Variants in FGL1 observed in about 807,000 individuals in gnomAD.
FGL1 encodes the protein fibrinogen-like protein 1.
In FGL1, 59 loss-of-function variants were observed where a neutral mutation model predicts 43.7. The ratio of observed to expected loss-of-function variants is 1.35; its 90% confidence interval spans 1.10 to 1.68. FGL1 has a LOEUF of 1.68. Ranked by LOEUF, FGL1 falls within the 40% of genes most tolerant of loss-of-function variation. The pLI is 0.00. For missense variants in FGL1, 596 were observed against 373.0 expected (o/e 1.60, Z -4.92); for synonymous variants, 192 against 126.5 (o/e 1.52, Z -3.48).
At position 17,887,370 on chromosome 8, in the gene FGL1, C is replaced by G. The variant is rs374770137; in HGVS notation, c.-17-1799G>C. On this transcript the variant is annotated intron_variant, in intron 1 of 7. Coordinates refer to ENST00000427924, the MANE Select transcript of FGL1 (RefSeq NM_004467.4). The stretch of plus-strand genomic sequence containing the variant: ...GAGAGGTATAAAAGGTATAGGCACA[C>G]TATTCTGCTTATTTCTTTCAACGTA... 2.6e-5 allele frequency among the ~76,000 whole-genome samples: 4 copies of G among 152,308 alleles called. 1 individual carries two copies. Among genetic ancestry groups the G allele is most frequent in the African/African-American group, 9.6e-5 (4 of 41,580 alleles).
At chr8:17,881,440 C>A (rs1437414099) in intron 3 of FGL1, among the ~76,000 whole-genome samples, 1 of 151,646 alleles carries the variant, frequency 6.6e-6, no homozygotes, top group East Asian at 1.9e-4. Context: ...TGGCTGTGTC[C>A]ATCAGTATTT....
At chr8:17,881,911 T>A in intron 3 of FGL1, 88 bp downstream of exon 3, 1 of 1,076,856 alleles carries the variant, frequency 9.3e-7, no homozygotes, top group East Asian at 2.5e-5. Context: ...GTTACTGAAA[T>A]AGGAAAAGCC....
intron 7 of FGL1, chr8:17,868,252 C>G (rs1563446614): frequency 9.9e-6 from 2 of 202,000 alleles, no homozygotes; most frequent in Non-Finnish European, 2.0e-5. Flanking sequence ...TACATGCTCT[C>G]TCTTTCTTTG....
chr8:17,874,219 T>C (rs1212858204), intron 4 of FGL1, 103 bp from the exon 5 acceptor site: 2 of 1,348,980 alleles, frequency 1.5e-6, no homozygotes, highest in Non-Finnish European at 2.1e-6. Flanking sequence ...ATTTTCTTGA[T>C]TAGTTAATTC....
chr8:17,874,420 C>A lies in FGL1; in HGVS notation c.346G>T (p.Asp116Tyr), dbSNP rs142975385. 4 of 1,614,128 alleles carry A rather than the reference C, an allele frequency of 2.5e-6. No homozygotes were observed. Among genetic ancestry groups the A allele is most frequent in the Admixed American group, 1.7e-5 (1 of 60,026 alleles). ...AEFSVYCDMSDGGGWTVIQRR... is the reference protein window; with the variant it reads ...AEFSVYCDMSYGGGWTVIQRR... ...TGAATTACAGTCCATCCTCCTCCAT[C>A]GGACATGTCACAATAAACAGAAAAT... Residue 116 changes from aspartate (D) to tyrosine (Y), a missense_variant, in exon 4 of 8, where the codon GAT becomes TAT. Physicochemically the swap from Asp to Tyr is radical, Grantham distance 160. Transcript: ENST00000427924.
chr8:17,871,445 G>C (rs1563449159), intron 5 of FGL1, among the ~76,000 whole-genome samples: 1 of 148,114 alleles, frequency 6.8e-6, no homozygotes, highest in Non-Finnish European at 1.5e-5. Context: ...GTGAGCCAAG[G>C]CTGTGCCACT....
Position 17,874,360 on chromosome 8 carries a change from A to C in FGL1, c.404+2T>G, listed in dbSNP as rs112170258. The C allele has an allele frequency of 6.2e-7, 1 of 1,611,050 alleles. No individual in the cohort carries two copies. The highest frequency in any genetic ancestry group is 8.5e-7 in the Non-Finnish European group (1 of 1,178,780). ...TAAAGTCTTACATCATAATTAGCAC[A>C]CCTGTTAAAGTTTTCACTGCCATCA... On this transcript the variant is annotated splice_donor_variant, in intron 4 of 7. Coordinates refer to ENST00000427924, the MANE Select transcript of FGL1 (RefSeq NM_004467.4). LOFTEE classifies it high-confidence loss of function.
At chr8:17,873,629 T>C (rs2053397859) in intron 5 of FGL1, among the ~76,000 whole-genome samples, 2 of 151,756 alleles carry the variant, frequency 1.3e-5, no homozygotes, top group African/African-American at 4.8e-5. Flanking sequence ...AAGGAATAAT[T>C]ATGACATTAT....
At chr8:17,875,152 A>G (rs1585134075) in intron 3 of FGL1, among the ~76,000 whole-genome samples, 4 of 152,332 alleles carry the variant, frequency 2.6e-5, no homozygotes, top group South Asian at 4.1e-4. Context: ...TCTGAAAATG[A>G]ACCCAAAATA....
Position 17,869,006 on chromosome 8 carries a change from T to TA in FGL1, c.503-3dup. 2.5e-6 allele frequency: 4 copies of TA among 1,577,624 alleles called. No homozygotes were observed. The highest frequency in any genetic ancestry group is 1.7e-4 in the Middle Eastern group (1 of 5,876). ...GGTCGATTTTTAAAGTGTAGTCTTC[T>TA]AAAAAAGAAACAAGCAATTATAATT... is the stretch of plus-strand genomic sequence containing the variant. On this transcript the variant is annotated splice_polypyrimidine_tract_variant and splice_region_variant and intron_variant, in intron 5 of 7. Coordinates refer to ENST00000427924, the MANE Select transcript of FGL1 (RefSeq NM_004467.4).
chr8:17,891,774 A>G, intron 1 of FGL1: 1 of 983,742 alleles, frequency 1.0e-6, no homozygotes, highest in Non-Finnish European at 1.2e-6. Flanking sequence ...TTGAATTTAT[A>G]AGATGTCTTT....
At position 17,876,943 on chromosome 8, in the gene FGL1, C is replaced by A. The variant is rs183798091; in HGVS notation, c.245-2422G>T. 5.9e-5 allele frequency among the ~76,000 whole-genome samples: 9 copies of A among 152,138 alleles called. No homozygotes were observed. The East Asian group carries it at 1.5e-3, about 26-fold the overall frequency. On this transcript the variant is annotated intron_variant, in intron 3 of 7. Transcript: ENST00000427924. ...AATGCCAAACACAACTTAAGAAAAG[C>A]TTTTAACTGAAATAAACAGTAACAC... is the stretch of plus-strand genomic sequence containing the variant.
chr8:17,882,889 C>A (rs62642089), intron 2 of FGL1, among the ~76,000 whole-genome samples: 1,667 of 31,234 alleles, frequency 0.053, 30 homozygotes, highest in African/African-American at 0.1. Flanking sequence ...TATAATATAT[C>A]TCATATATAA....
chr8:17,872,718 C>T (rs1164341171), intron 5 of FGL1, among the ~76,000 whole-genome samples: 1 of 152,062 alleles, frequency 6.6e-6, no homozygotes, highest in African/African-American at 2.4e-5. Context: ...TCTCAGACTA[C>T]AACAGAGGTA....
At chr8:17,873,909 A>T (rs1265316209) in intron 5 of FGL1, 110 bp downstream of exon 5, 1 of 650,574 alleles carries the variant, frequency 1.5e-6, no homozygotes, top group Non-Finnish European at 2.4e-6. Flanking sequence ...TGCCATCTGC[A>T]AATCATAGCA....
chr8:17,873,824 T>C (rs1426935787), intron 5 of FGL1, among the ~76,000 whole-genome samples, 195 bp downstream of exon 5: 3 of 151,668 alleles, frequency 2.0e-5, no homozygotes, highest in Non-Finnish European at 4.4e-5. Context: ...CGCAACCCAA[T>C]TCTAGCTTTT....
chr8:17,888,795 A>G (rs139191466), intron 1 of FGL1, among the ~76,000 whole-genome samples: 1 of 152,200 alleles, frequency 6.6e-6, no homozygotes, highest in East Asian at 1.9e-4. Context: ...TTTGTAAAGA[A>G]GGCTTAGAAA....
intron 2 of FGL1, 187 bp from the exon 3 acceptor site, chr8:17,882,366 C>G: frequency 1.9e-6 from 1 of 515,066 alleles, no homozygotes; most frequent in Non-Finnish European, 3.3e-6. Context: ...GAAATTATGG[C>G]TTATGCGAAA....
intron 3 of FGL1, among the ~76,000 whole-genome samples, chr8:17,878,635 C>T (rs571470819): frequency 5.3e-5 from 8 of 152,190 alleles, no homozygotes; most frequent in Non-Finnish European, 1.2e-4. Context: ...AAAGATACAG[C>T]TTAATAGTAT....
Sources: gnomAD v4.1 joint callset for allele counts (sites outside exome capture counted in the v4.1 genomes callset) on GRCh38, gnomAD v4.1.1 for gene constraint, MANE v1.5 for transcripts, NCBI Gene and HGNC (gene_info 2026-07-23, HGNC 2026-07-21) for gene names.